RAPGEF3: variants seen among roughly 807,000 people sequenced by gnomAD.
The protein encoded by RAPGEF3 is Rap guanine nucleotide exchange factor 3, also known as 9330170P05Rik.
In RAPGEF3, 103 loss-of-function variants were observed where a neutral mutation model predicts 129.8. That is an observed-to-expected ratio of 0.79 (90% confidence interval 0.68 to 0.93). The LOEUF (loss-of-function observed/expected upper bound fraction) is 0.93, where lower values mean the gene tolerates loss of function less well. RAPGEF3 is among the 40% of genes least tolerant of loss of function. The pLI is 0.00. For missense variants in RAPGEF3, 1,117 were observed against 1,207.4 expected (o/e 0.93, Z 1.11); for synonymous variants, 436 against 482.6 (o/e 0.90, Z 1.26).
At position 47,751,908 on chromosome 12, in the gene RAPGEF3, G is replaced by T. The variant is rs1463200795; in HGVS notation, c.273+8C>A. ...CCTGTCCCAGCTCCACCCTGCCCAG[G>T]CTTCTACCTGCTCCAGGCTCTCGCT... On this transcript the variant is annotated splice_region_variant and intron_variant, in intron 3 of 27. Coordinates refer to ENST00000449771, the MANE Select transcript of RAPGEF3 (RefSeq NM_001098531.4). 76 of 1,614,000 alleles carry T rather than the reference G, an allele frequency of 4.7e-5. No individual in the cohort carries two copies. The highest frequency in any genetic ancestry group is 6.4e-5 in the Non-Finnish European group (75 of 1,179,996).
At chr12:47,747,016 G>T in intron 15 of RAPGEF3, 117 bp from the exon 16 acceptor site, 1 of 937,440 alleles carries the variant, frequency 1.1e-6, no homozygotes, top group Non-Finnish European at 1.6e-6. Context: ...AGGTAAGCAC[G>T]ACCAGGTAAG....
chr12:47,740,841 G>C lies in RAPGEF3; in HGVS notation c.2050-18C>G. On this transcript the variant is annotated intron_variant, in intron 20 of 27. Transcript: ENST00000449771. ...AGCTCCACCTGGGTGGGGTCAGCAG[G>C]AGAGGTCAGCGAGTGCTGAGCCGAG... 1.9e-6 allele frequency: 3 copies of C among 1,613,658 alleles called. No individual in the cohort carries two copies. The South Asian group carries it at 3.3e-5, about 18-fold the overall frequency.
Position 47,757,794 on chromosome 12 carries a change from C to T in RAPGEF3, c.219+72G>A, listed in dbSNP as rs570390567. The T allele has an allele frequency of 2.2e-3, 3,094 of 1,409,010 alleles. 4 individuals are homozygous for T. Among genetic ancestry groups the T allele is most frequent in the Non-Finnish European group, 2.8e-3 (2,925 of 1,041,054 alleles). The allele number at this position is 1,409,010 out of a possible 1,614,324, so 87.3% of individuals were successfully genotyped here. A position where few individuals can be genotyped will look rare whatever the true frequency, so the allele number is the denominator to read the frequency against. ...AGCAAGCTGGGCCACCAGCAGCATG[C>T]CAAGCCATGATCTAGGCCCCCCTCT... On this transcript the variant is annotated intron_variant, in intron 2 of 27. Transcript: ENST00000449771.
At position 47,758,614 on chromosome 12, in the gene RAPGEF3, A is replaced by G; in HGVS notation, c.-58T>C. On this transcript the variant is annotated 5_prime_UTR_variant, in exon 1 of 28. Coordinates refer to ENST00000449771, the MANE Select transcript of RAPGEF3 (RefSeq NM_001098531.4). ...TCTAGCAAAAGGCTGGGGGGTCCCC[A>G]GCGACCCCCATCAGCTTTGATAAGG... 6.2e-7 allele frequency: 1 copy of G among 1,610,214 alleles called. No individual in the cohort carries two copies. The highest frequency in any genetic ancestry group is 8.5e-7 in the Non-Finnish European group (1 of 1,178,060).
Position 47,757,934 on chromosome 12 carries a change from GC to G in RAPGEF3, c.150del (p.Arg52GlufsTer117). The G allele has an allele frequency of 2.6e-6, 4 of 1,557,154 alleles. No individual in the cohort carries two copies. The East Asian group carries it at 9.6e-5, about 37-fold the overall frequency. On this transcript the variant is annotated frameshift_variant, in exon 2 of 28. Transcript: ENST00000449771. LOFTEE classifies it high-confidence loss of function. ...LLNMVLRRMH[R>X]PRSCSYQLLL... ...AGCAGCTGGTAGGAGCAGCTTCGGG[GC>G]CGGTGCATCCTTCTCAACACCATGT... is the stretch of plus-strand genomic sequence containing the variant.
In RAPGEF3 at chr12:47,748,856, C is replaced by G. The variant is rs370751497; in HGVS notation, c.1117G>C (p.Ala373Pro). 6.2e-7 allele frequency: 1 copy of G among 1,614,008 alleles called. No homozygotes were observed. The highest frequency in any genetic ancestry group is 8.5e-7 in the Non-Finnish European group (1 of 1,179,894). The change falls in exon 11 of 28, where the codon GCC becomes CCC. Residue 373 changes from alanine (A) to proline (P), a missense_variant. Ala to Pro is a conservative substitution (Grantham distance 27, BLOSUM62 -1). Coordinates refer to ENST00000449771, the MANE Select transcript of RAPGEF3 (RefSeq NM_001098531.4). ...VLVLERASQG[A>P]GPSRPPTPGR... ...GGGGTTGGGGGTCGGGAAGGGCCGG[C>G]GCCCTGAGAGGCTCTCTCCAGCACC...
intron 1 of RAPGEF3, 196 bp downstream of exon 1, chr12:47,758,355 G>T (rs1320121591): frequency 4.1e-6 from 6 of 1,461,774 alleles, no homozygotes; most frequent in Non-Finnish European, 5.4e-6. Flanking sequence ...CCATGCCCCT[G>T]CAGGGATCTC....
At chr12:47,746,939 T>C (rs770809701) in intron 15 of RAPGEF3, 40 bp from the exon 16 acceptor site, 2 of 1,583,926 alleles carry the variant, frequency 1.3e-6, no homozygotes, top group South Asian at 2.3e-5. Context: ...AGCCCAGGTA[T>C]CCCTGGGGCT....
rs780281150 is a variant in RAPGEF3 at position 47,740,412 on chromosome 12, C to G, written c.2232-17G>C. The G allele has an allele frequency of 5.6e-6, 9 of 1,611,660 alleles. No individual in the cohort carries two copies. In the East Asian group the frequency reaches 6.7e-5, roughly 12 times the overall value. ...TCCTTGAGGCTGTGAGCAGAAGACC[C>G]AGAGACCCTCAGGGTAAGGGAAGCA... On this transcript the variant is annotated splice_polypyrimidine_tract_variant and intron_variant, in intron 21 of 27. Coordinates refer to ENST00000449771, the MANE Select transcript of RAPGEF3 (RefSeq NM_001098531.4).
chr12:47,749,158 T>C lies in RAPGEF3; in HGVS notation c.1042-227A>G, dbSNP rs1339415105. On this transcript the variant is annotated intron_variant, in intron 10 of 27. Transcript: ENST00000449771. This position sits in a 1 kb window ranked among gnomAD's most constrained non-coding sequence, Gnocchi z 4.5. Reference sequence around the variant, plus strand: ...GCCCCCTGCATGCCCATCCTTCCCCTGGTCTCCCACACTGAGCCTGAAGTC... The same window carrying C: ...GCCCCCTGCATGCCCATCCTTCCCCCGGTCTCCCACACTGAGCCTGAAGTC... 1.6e-5 allele frequency: 9 copies of C among 564,908 alleles called. No individual in the cohort carries two copies. In the East Asian group the frequency reaches 2.8e-4, roughly 18 times the overall value. The allele number at this position is 564,908 out of a possible 1,614,324, so 35.0% of individuals were successfully genotyped here. A position where few individuals can be genotyped will look rare whatever the true frequency, so the allele number is the denominator to read the frequency against.
intron 16 of RAPGEF3, chr12:47,746,279 TG>T (rs1941414751): frequency 3.7e-6 from 1 of 272,682 alleles, no homozygotes; most frequent in Non-Finnish European, 6.9e-6. Context: ...GGTGGGACCA[TG>T]GGGAGCCTGC....
chr12:47,740,995 C>G lies in RAPGEF3; in HGVS notation c.1969G>C (p.Gly657Arg), dbSNP rs1298466544. Reference protein sequence around the residue: ...QLGPTVGSAEGLDLVSAKDLA... With the variant: ...QLGPTVGSAERLDLVSAKDLA... ...TCCTTGGCACTCACCAGGTCCAGCC[C>G]CTCAGCAGAGCCCACAGTGGGCCCC... The change falls in exon 20 of 28, where the codon GGG (glycine) becomes CGG (arginine). Residue 657 changes from glycine to arginine, a missense_variant. Physicochemically the swap from Gly to Arg is moderately radical, Grantham distance 125. Coordinates refer to ENST00000449771, the MANE Select transcript of RAPGEF3 (RefSeq NM_001098531.4). 6.2e-7 allele frequency: 1 copy of G among 1,613,280 alleles called. No homozygotes were observed. Among genetic ancestry groups the G allele is most frequent in the Admixed American group, 1.7e-5 (1 of 59,956 alleles).
intron 1 of RAPGEF3, 100 bp from the exon 2 acceptor site, chr12:47,758,178 T>C: frequency 6.8e-7 from 1 of 1,466,094 alleles, no homozygotes; most frequent in Non-Finnish European, 9.0e-7. Context: ...TAGAGTCCTC[T>C]GGACTGGTCA....
chr12:47,757,700 A>C (rs1942164798), intron 2 of RAPGEF3, among the ~76,000 whole-genome samples, 166 bp downstream of exon 2: 1 of 152,042 alleles, frequency 6.6e-6, no homozygotes, highest in Non-Finnish European at 1.5e-5. Context: ...TGTGTGAGCC[A>C]CCCACGCACA....
chr12:47,746,653 G>C, intron 16 of RAPGEF3: 2 of 719,114 alleles, frequency 2.8e-6, no homozygotes, highest in Non-Finnish European at 5.1e-6. Context: ...GAGGAGGGAG[G>C]CCACCTTAGG....
At position 47,740,570 on chromosome 12, in the gene RAPGEF3, C is replaced by A. The variant is rs1592537978; in HGVS notation, c.2231+72G>T. The A allele has an allele frequency of 2.6e-6, 4 of 1,564,928 alleles. No individual in the cohort carries two copies. In the East Asian group the frequency reaches 9.0e-5, roughly 35 times the overall value. On this transcript the variant is annotated intron_variant, in intron 21 of 27. Coordinates refer to ENST00000449771, the MANE Select transcript of RAPGEF3 (RefSeq NM_001098531.4). ...GTGGCAGATTTGGCAACATACTAAG[C>A]AAAGAGGGGGGCTTAGGAAAAGGTA...
chr12:47,757,825 TG>T, intron 2 of RAPGEF3, 40 bp downstream of exon 2: 1 of 1,521,674 alleles, frequency 6.6e-7, no homozygotes. Flanking sequence ...CCTCTAGCTC[TG>T]GTACTGGCCC....
chr12:47,743,500 C>T (rs1221351961), intron 18 of RAPGEF3, 30 bp downstream of exon 18: 12 of 1,597,382 alleles, frequency 7.5e-6, no homozygotes, highest in Non-Finnish European at 9.4e-6. Flanking sequence ...GGCCACCCTC[C>T]CTTGGGGTCT....
In RAPGEF3 at chr12:47,734,500, C is replaced by G. The variant is rs10875683; in HGVS notation, c.*3067G>C. 0.21 allele frequency: 31,220 copies of G among 152,188 alleles called. 3,324 individuals carry two copies. Among genetic ancestry groups the G allele is most frequent in the African/African-American group, 0.27 (11,392 of 41,522 alleles). 9.4% of individuals were successfully genotyped at this position (152,188 alleles called of 1,614,324 possible). A position where few individuals can be genotyped will look rare whatever the true frequency, so the allele number is the denominator to read the frequency against. On this transcript the variant is annotated 3_prime_UTR_variant, in exon 28 of 28. Coordinates refer to ENST00000449771, the MANE Select transcript of RAPGEF3 (RefSeq NM_001098531.4). ...GGCTGATACACATCCAGTTACTTCA[C>G]CTGTCTACCCTGCTATTAAGCAGTT... is the stretch of plus-strand genomic sequence containing the variant.
Sources: gnomAD v4.1 joint callset for allele counts (sites outside exome capture counted in the v4.1 genomes callset) on GRCh38, gnomAD v4.1.1 for gene constraint, Gnocchi (gnomAD v3.1) non-coding constraint, MANE v1.5 for transcripts, NCBI Gene and HGNC (gene_info 2026-07-23, HGNC 2026-07-21) for gene names.